Variants in SLC24A2 observed in about 807,000 individuals in gnomAD.
The protein encoded by SLC24A2 is solute carrier family 24 member 2, also known as sodium/potassium/calcium exchanger 2.
In SLC24A2, 36 loss-of-function variants were observed where a neutral mutation model predicts 62.0. The observed-to-expected ratio is 0.58, with a 90% CI of 0.44 to 0.77. The LOEUF (loss-of-function observed/expected upper bound fraction) is 0.77, where lower values mean the gene tolerates loss of function less well. SLC24A2 is among the 30% of genes least tolerant of loss of function. SLC24A2 has a pLI of 0.00. For synonymous variants in SLC24A2, 358 were observed against 294.0 expected (o/e 1.22, Z -2.23); for missense variants, 846 against 817.9 (o/e 1.03, Z -0.42).
the SLC24A2 span, among the ~76,000 whole-genome samples, chr9:20,259,458 T>C: frequency 6.6e-6 from 1 of 152,160 alleles, no homozygotes; most frequent in African/African-American, 2.4e-5. Flanking sequence ...AATTAGTTTG[T>C]TTTTAATATA....
At chr9:20,133,283 A>T in the SLC24A2 span, among the ~76,000 whole-genome samples, 1 of 152,118 alleles carries the variant, frequency 6.6e-6, no homozygotes, top group South Asian at 2.1e-4. Context: ...TGCTTCTCAG[A>T]TTAAGCTCTT....
At chr9:20,177,671 T>C in the SLC24A2 span, among the ~76,000 whole-genome samples, 1 of 152,026 alleles carries the variant, frequency 6.6e-6, no homozygotes, top group Non-Finnish European at 1.5e-5. Flanking sequence ...GAGCAAGAAA[T>C]TAAATAAACA....
chr9:20,070,885 C>T, the SLC24A2 span, among the ~76,000 whole-genome samples: 2 of 152,104 alleles, frequency 1.3e-5, no homozygotes, highest in African/African-American at 4.8e-5. Context: ...TGTTCCTGCC[C>T]AAATCTCATG....
chr9:20,106,723 C>A, the SLC24A2 span, among the ~76,000 whole-genome samples: 1 of 152,122 alleles, frequency 6.6e-6, no homozygotes, highest in African/African-American at 2.4e-5. Flanking sequence ...CTATCTATGA[C>A]AAACCCACAG....
chr9:20,085,987 T>C, the SLC24A2 span, among the ~76,000 whole-genome samples: 1 of 152,224 alleles, frequency 6.6e-6, no homozygotes, highest in Admixed American at 6.5e-5. Flanking sequence ...GGCAGGATTT[T>C]CTGCCCAGAA....
chr9:19,535,491 A>C (rs1833919751), intron 8 of SLC24A2, among the ~76,000 whole-genome samples: 1 of 152,134 alleles, frequency 6.6e-6, no homozygotes, highest in African/African-American at 2.4e-5. Flanking sequence ...TTTAGGTCTT[A>C]AGGTGGAGTC....
At chr9:19,840,007 C>T in the SLC24A2 span, among the ~76,000 whole-genome samples, 1 of 152,168 alleles carries the variant, frequency 6.6e-6, no homozygotes, top group African/African-American at 2.4e-5. Flanking sequence ...ATGATGAAAT[C>T]ACCTAAGGAT....
chr9:19,961,816 C>G, the SLC24A2 span, among the ~76,000 whole-genome samples: 4 of 152,136 alleles, frequency 2.6e-5, no homozygotes, highest in African/African-American at 9.7e-5. Context: ...CCATGGGAAG[C>G]CCATGTGATG....
intron 2 of SLC24A2, among the ~76,000 whole-genome samples, chr9:19,783,616 G>T (rs991262757): frequency 6.6e-6 from 1 of 152,116 alleles, no homozygotes; most frequent in Non-Finnish European, 1.5e-5. Flanking sequence ...CAGTGCCTGG[G>T]GGGGAAAACC....
chr9:20,045,774 T>C, the SLC24A2 span, among the ~76,000 whole-genome samples: 2 of 152,246 alleles, frequency 1.3e-5, no homozygotes, highest in Admixed American at 6.5e-5. Flanking sequence ...CTGCTGGCCG[T>C]CCATGCATGC....
the SLC24A2 span, among the ~76,000 whole-genome samples, chr9:19,897,159 T>A: frequency 6.6e-6 from 1 of 152,326 alleles, no homozygotes; most frequent in African/African-American, 2.4e-5. Flanking sequence ...TTGGTAGAAC[T>A]CTTCAAAGTT....
At chr9:20,082,364 C>T in the SLC24A2 span, among the ~76,000 whole-genome samples, 2 of 152,342 alleles carry the variant, frequency 1.3e-5, no homozygotes, top group Non-Finnish European at 2.9e-5. Context: ...AGGAAAATCA[C>T]ATGGAGAAAG....
chr9:19,712,086 G>T (rs1820730624), intron 2 of SLC24A2, among the ~76,000 whole-genome samples: 1 of 152,138 alleles, frequency 6.6e-6, no homozygotes, highest in African/African-American at 2.4e-5. Context: ...GATGTCAGTA[G>T]GTGTCTCAGC....
chr9:19,859,337 G>T, the SLC24A2 span, among the ~76,000 whole-genome samples: 1 of 152,204 alleles, frequency 6.6e-6, no homozygotes, highest in Non-Finnish European at 1.5e-5. Flanking sequence ...AGACACTGGG[G>T]ATTACTTGAG....
chr9:19,957,617 T>C, the SLC24A2 span: 1,303 of 152,750 alleles, frequency 8.5e-3, 17 homozygotes, highest in African/African-American at 0.029. Flanking sequence ...AGTATGGGGG[T>C]CTTTGTTCAA....
chr9:19,572,192 G>A (rs1015801325), intron 7 of SLC24A2, among the ~76,000 whole-genome samples: 1 of 149,808 alleles, frequency 6.7e-6, no homozygotes, highest in Non-Finnish European at 1.5e-5. Context: ...CCCAGGAGGT[G>A]GAGGTTGCAG....
At chr9:20,023,043 T>A in the SLC24A2 span, among the ~76,000 whole-genome samples, 1 of 152,112 alleles carries the variant, frequency 6.6e-6, no homozygotes, top group African/African-American at 2.4e-5. Flanking sequence ...GTTACTAACA[T>A]AAGAGAAAAT....
chr9:20,110,271 A>C, the SLC24A2 span, among the ~76,000 whole-genome samples: 1 of 152,184 alleles, frequency 6.6e-6, no homozygotes. Context: ...GCAAGAAAAT[A>C]ATTGACATGT....
the SLC24A2 span, among the ~76,000 whole-genome samples, chr9:19,827,557 C>T: frequency 6.6e-6 from 1 of 151,966 alleles, no homozygotes; most frequent in South Asian, 2.1e-4. Context: ...CTAAGATGTA[C>T]ATTTTCATAT....
Sources: gnomAD v4.1 joint callset for allele counts (sites outside exome capture counted in the v4.1 genomes callset) on GRCh38, gnomAD v4.1.1 for gene constraint, MANE v1.5 for transcripts, NCBI Gene and HGNC (gene_info 2026-07-23, HGNC 2026-07-21) for gene names.